The following CHCHD3 variants were observed in gnomAD, a reference collection of about 807,000 sequenced individuals.
CHCHD3 encodes the protein MICOS complex subunit MIC19.
In CHCHD3, 20 loss-of-function variants were observed where a neutral mutation model predicts 38.2. That is an observed-to-expected ratio of 0.52 (90% CI 0.37 to 0.76). The LOEUF is 0.76. Among genes scored for constraint, CHCHD3 ranks in the 30% least tolerant of loss-of-function variants. CHCHD3 has a pLI of 0.00. For synonymous variants in CHCHD3, 82 were observed against 100.0 expected, an observed-to-expected ratio of 0.82 and a Z score of 1.07; for missense variants, 245 against 279.2, an observed-to-expected ratio of 0.88 and a Z score of 0.87.
chr7:133,055,448 ATAATT>A (rs1428529903), intron 2 of CHCHD3, among the ~76,000 whole-genome samples: 4 of 145,224 alleles, frequency 2.8e-5, no homozygotes, highest in Non-Finnish European at 4.5e-5. Context: ...TGTATTTATT[ATAATT>A]AATTATAATT....
intron 6 of CHCHD3, among the ~76,000 whole-genome samples, chr7:132,827,075 T>C (rs540105748): frequency 6.6e-6 from 1 of 152,322 alleles, no homozygotes; most frequent in East Asian, 1.9e-4. Context: ...AAAAATATGA[T>C]TATGGATAGG....
intron 2 of CHCHD3, chr7:133,034,672 A>T: frequency 6.2e-7 from 1 of 1,613,226 alleles, no homozygotes. Context: ...TCCCAGGAAA[A>T]GTACTCTCGA....
At chr7:133,037,550 C>CA (rs1562945182) in intron 2 of CHCHD3, among the ~76,000 whole-genome samples, 1 of 152,164 alleles carries the variant, frequency 6.6e-6, no homozygotes, top group East Asian at 1.9e-4. Flanking sequence ...CAGTGGCTCA[C>CA]ACCTGTAATC....
Position 133,006,018 on chromosome 7 carries a change from C to T in CHCHD3, c.251+18528G>A, listed in dbSNP as rs146937536. Among the ~76,000 whole-genome samples, 11 of 152,278 alleles carry T rather than the reference C, an allele frequency of 7.2e-5. No homozygotes were observed. The East Asian group carries it at 2.1e-3, about 29-fold the overall frequency. On this transcript the variant is annotated intron_variant, in intron 3 of 7. Transcript: ENST00000262570. ...AGTGACAGGATTTTGTATGTACAGACAACTAACAAAGAACATTATTAAGTT... is the reference window on the plus strand; with the variant it reads ...AGTGACAGGATTTTGTATGTACAGATAACTAACAAAGAACATTATTAAGTT...
chr7:133,045,804 A>G (rs750496579), intron 2 of CHCHD3, among the ~76,000 whole-genome samples: 3 of 152,042 alleles, frequency 2.0e-5, no homozygotes, highest in African/African-American at 4.8e-5. Flanking sequence ...CAATTCTTAT[A>G]GTGAGTTCTC....
intron 4 of CHCHD3, among the ~76,000 whole-genome samples, chr7:132,907,718 G>C (rs1197209250): frequency 6.6e-6 from 1 of 152,190 alleles, no homozygotes; most frequent in Non-Finnish European, 1.5e-5. Context: ...ATTTTAGGAA[G>C]ATTAATCTTG....
intron 2 of CHCHD3, among the ~76,000 whole-genome samples, chr7:133,031,288 CG>C (rs1172549594): frequency 6.6e-6 from 1 of 151,906 alleles, no homozygotes; most frequent in African/African-American, 2.4e-5. Context: ...GGGAATGGTA[CG>C]GGGAGACATA....
intron 4 of CHCHD3, among the ~76,000 whole-genome samples, chr7:132,908,784 A>C (rs1447305005): frequency 6.6e-6 from 1 of 152,240 alleles, no homozygotes; most frequent in Non-Finnish European, 1.5e-5. Context: ...ATAACAAAGA[A>C]GAATAATAAC....
chr7:132,985,720 G>A (rs1418201144), intron 3 of CHCHD3, among the ~76,000 whole-genome samples: 4 of 86,676 alleles, frequency 4.6e-5, no homozygotes, highest in Admixed American at 3.7e-4. Context: ...CGCCCCATCC[G>A]GGAGGGAGGA....
At chr7:133,056,983 C>A (rs976471329) in intron 2 of CHCHD3, among the ~76,000 whole-genome samples, 1 of 152,204 alleles carries the variant, frequency 6.6e-6, no homozygotes, top group African/African-American at 2.4e-5. Flanking sequence ...GATTTAACTA[C>A]CACCTTTCCA....
At chr7:132,954,899 C>A (rs1811121881) in intron 4 of CHCHD3, among the ~76,000 whole-genome samples, 1 of 152,186 alleles carries the variant, frequency 6.6e-6, no homozygotes, top group Non-Finnish European at 1.5e-5. Context: ...GCATGTGTCT[C>A]AAGCTCCATG....
intron 1 of CHCHD3, among the ~76,000 whole-genome samples, chr7:133,079,387 G>A (rs967743810): frequency 1.3e-5 from 2 of 152,208 alleles, no homozygotes; most frequent in African/African-American, 2.4e-5. Context: ...GCTAGTGAGA[G>A]GCAGAGATAG....
intron 3 of CHCHD3, among the ~76,000 whole-genome samples, chr7:132,986,594 G>T (rs933612144): frequency 6.6e-6 from 1 of 152,172 alleles, no homozygotes; most frequent in Non-Finnish European, 1.5e-5. Flanking sequence ...ATTTGAGAAA[G>T]AGGTTTTACT....
At position 133,035,388 on chromosome 7, in the gene CHCHD3, G is replaced by A; in HGVS notation, c.170-10761C>T. 1.9e-6 allele frequency: 3 copies of A among 1,613,476 alleles called. No homozygotes were observed. The South Asian group carries it at 3.3e-5, about 18-fold the overall frequency. ...ATTGCGAAAGGCCCGGCGGAAAGAAGGCTCTAGAACCTGCTTATAGAGCCA... is the reference window on the plus strand; with the variant it reads ...ATTGCGAAAGGCCCGGCGGAAAGAAAGCTCTAGAACCTGCTTATAGAGCCA... On this transcript the variant is annotated intron_variant, in intron 2 of 7. Coordinates refer to ENST00000262570, the MANE Select transcript of CHCHD3 (RefSeq NM_017812.4). The surrounding 1 kb of genome is among the most constrained non-coding windows in gnomAD (Gnocchi z 4.7).
At position 133,001,856 on chromosome 7, in the gene CHCHD3, A is replaced by C. The variant is rs569252109; in HGVS notation, c.251+22690T>G. Reference sequence around the variant, plus strand: ...ATGCGATAGATAATCATTTTTACAGAGCGTTTACTTTGATTCTGTGTGAGT... The same window carrying C: ...ATGCGATAGATAATCATTTTTACAGCGCGTTTACTTTGATTCTGTGTGAGT... On this transcript the variant is annotated intron_variant, in intron 3 of 7. Coordinates refer to ENST00000262570, the MANE Select transcript of CHCHD3 (RefSeq NM_017812.4). Among the ~76,000 whole-genome samples, 6 of 152,300 alleles carry C rather than the reference A, an allele frequency of 3.9e-5. No individual in the cohort carries two copies. The South Asian group carries it at 1.2e-3, about 32-fold the overall frequency.
At position 132,895,049 on chromosome 7, in the gene CHCHD3, A is replaced by G. The variant is rs190105114; in HGVS notation, c.370-9304T>C. ...GGGATTTTATTGGTGAAAATGGTCC[A>G]TTAACCAGCATGATAAATGTTAGAT... is the stretch of plus-strand genomic sequence containing the variant. On this transcript the variant is annotated intron_variant, in intron 4 of 7. Transcript: ENST00000262570. 4.9e-4 allele frequency among the ~76,000 whole-genome samples: 74 copies of G among 152,366 alleles called. 1 individual carries two copies. Among genetic ancestry groups the G allele is most frequent in the African/African-American group, 1.8e-3 (74 of 41,592 alleles).
chr7:132,865,690 C>T (rs987908124), intron 5 of CHCHD3, among the ~76,000 whole-genome samples: 8 of 152,050 alleles, frequency 5.3e-5, no homozygotes, highest in Non-Finnish European at 2.9e-5. Context: ...GGAAGGGGAA[C>T]CAGGGAAGAA....
chr7:133,036,036 T>C (rs564012767), intron 2 of CHCHD3: 6 of 753,636 alleles, frequency 8.0e-6, no homozygotes, highest in Non-Finnish European at 1.4e-5. Context: ...TCTCCATAAA[T>C]AGTAACATCC....
At chr7:132,898,836 G>A (rs1369868116) in intron 4 of CHCHD3, among the ~76,000 whole-genome samples, 2 of 152,252 alleles carry the variant, frequency 1.3e-5, no homozygotes, top group Admixed American at 6.5e-5. Context: ...ACCCTCTGCA[G>A]CCACTGGCCC....
Sources: allele counts gnomAD v4.1 joint callset (sites outside exome capture counted in the v4.1 genomes callset), GRCh38; gene constraint gnomAD v4.1.1; non-coding constraint Gnocchi (gnomAD v3.1); transcripts MANE v1.5; gene names NCBI Gene and HGNC (gene_info 2026-07-23, HGNC 2026-07-21).